ERLEC1: variants seen among roughly 807,000 people sequenced by gnomAD.
ERLEC1 encodes endoplasmic reticulum lectin 1.
In ERLEC1, 47 loss-of-function variants were observed where a neutral mutation model predicts 68.0. That is an observed-to-expected ratio of 0.69 (90% CI 0.55 to 0.88). The LOEUF (loss-of-function observed/expected upper bound fraction) is 0.88. Ranked by LOEUF, ERLEC1 falls within the 40% of genes least tolerant of loss-of-function variation. The pLI is 0.00. For missense variants in ERLEC1, 567 were observed against 583.8 expected, an observed-to-expected ratio of 0.97 and a Z score of 0.30; for synonymous variants, 225 against 203.2, an observed-to-expected ratio of 1.11 and a Z score of -0.91.
Position 53,814,610 on chromosome 2 carries a change from G to T in ERLEC1, c.1294G>T (p.Val432Leu), listed in dbSNP as rs1676763983. 5.0e-6 allele frequency: 8 copies of T among 1,609,410 alleles called. No homozygotes were observed. The highest frequency in any genetic ancestry group is 6.8e-6 in the Non-Finnish European group (8 of 1,176,844). Reference sequence around the variant, plus strand: ...AACTGACAAACCAAGACAGGTGACTGTAAAACTAAAGTAAGTTAGACCATC... The same window carrying T: ...AACTGACAAACCAAGACAGGTGACTTTAAAACTAAAGTAAGTTAGACCATC... ...DITDKPRQVTVKLKCKESDSP... is the reference protein window; with the variant it reads ...DITDKPRQVTLKLKCKESDSP... Residue 432 changes from valine to leucine, a missense_variant, in exon 12 of 14, where the codon GTA (valine) becomes TTA (leucine). By Grantham distance (32) the Val-to-Leu change is conservative (BLOSUM62 1). Coordinates refer to ENST00000185150, the MANE Select transcript of ERLEC1 (RefSeq NM_015701.5).
intron 6 of ERLEC1, 138 bp downstream of exon 6, chr2:53,799,219 A>G (rs948202873): frequency 7.2e-6 from 5 of 695,388 alleles, no homozygotes; most frequent in Admixed American, 5.5e-5. Context: ...TGGGTCAAAG[A>G]ATCTTTGCAG....
chr2:53,798,178 G>A (rs191377824), intron 5 of ERLEC1, among the ~76,000 whole-genome samples: 2 of 152,300 alleles, frequency 1.3e-5, no homozygotes, highest in Non-Finnish European at 2.9e-5. Flanking sequence ...CTGGGCAACA[G>A]AGTGAGACTC....
chr2:53,813,115 A>G (rs1434074484), intron 11 of ERLEC1, 42 bp downstream of exon 11: 2 of 1,582,186 alleles, frequency 1.3e-6, no homozygotes, highest in African/African-American at 1.4e-5. Context: ...AATTACTACA[A>G]TTTCTAAAAC....
At chr2:53,806,219 T>C (rs1676288458) in intron 8 of ERLEC1, among the ~76,000 whole-genome samples, 2 of 152,188 alleles carry the variant, frequency 1.3e-5, no homozygotes, top group African/African-American at 4.8e-5. Flanking sequence ...GTCCATGTAA[T>C]GAATTTTCTA....
chr2:53,793,620 C>CTT (rs1187132326), intron 1 of ERLEC1, among the ~76,000 whole-genome samples: 1 of 146,920 alleles, frequency 6.8e-6, no homozygotes. Flanking sequence ...TTCTTTTTTT[C>CTT]TTTTTTTTTT....
intron 8 of ERLEC1, among the ~76,000 whole-genome samples, chr2:53,804,496 G>A (rs139729956): frequency 5.3e-4 from 80 of 152,134 alleles, no homozygotes; most frequent in Non-Finnish European, 9.4e-4. Flanking sequence ...GGCGGGTCTC[G>A]AACTCCTGGC....
intron 5 of ERLEC1, among the ~76,000 whole-genome samples, chr2:53,798,184 G>C (rs1027851509): frequency 1.3e-5 from 2 of 152,138 alleles, no homozygotes; most frequent in African/African-American, 4.8e-5. Flanking sequence ...AACAGAGTGA[G>C]ACTCCATTTC....
At chr2:53,793,027 G>A (rs560831723) in intron 1 of ERLEC1, among the ~76,000 whole-genome samples, 1 of 151,452 alleles carries the variant, frequency 6.6e-6, no homozygotes, top group African/African-American at 2.4e-5. Flanking sequence ...AAAAGTTATT[G>A]TTAAATTGAG....
chr2:53,818,003 T>G lies in ERLEC1; in HGVS notation c.*34T>G, dbSNP rs1168341264. The stretch of plus-strand genomic sequence containing the variant: ...AAAGTTAGGGGAAAGAAAAGATCAT[T>G]GAAAGTCATGATAATTTCTGTCCCA... On this transcript the variant is annotated 3_prime_UTR_variant, in exon 14 of 14. Coordinates refer to ENST00000185150, the MANE Select transcript of ERLEC1 (RefSeq NM_015701.5). 7.9e-7 allele frequency: 1 copy of G among 1,268,192 alleles called. No individual in the cohort carries two copies. Among genetic ancestry groups the G allele is most frequent in the East Asian group, 2.3e-5 (1 of 43,128 alleles). 78.6% of individuals were successfully genotyped at this position (1,268,192 alleles called of 1,614,324 possible). A position where few individuals can be genotyped will look rare whatever the true frequency, so the allele number is the denominator to read the frequency against.
chr2:53,801,331 C>CGA, intron 6 of ERLEC1, 66 bp from the exon 7 acceptor site: 1 of 1,158,306 alleles, frequency 8.6e-7, no homozygotes, highest in South Asian at 1.4e-5. Flanking sequence ...TAATAAGTTC[C>CGA]TCTCCCACCC....
chr2:53,799,883 G>A (rs565703840), intron 6 of ERLEC1, among the ~76,000 whole-genome samples: 1 of 152,172 alleles, frequency 6.6e-6, no homozygotes, highest in South Asian at 2.1e-4. Flanking sequence ...GACTACCTTT[G>A]AGATTAAAAT....
At chr2:53,802,411 C>G (rs1676055801) in intron 8 of ERLEC1, among the ~76,000 whole-genome samples, 1 of 152,168 alleles carries the variant, frequency 6.6e-6, no homozygotes, top group African/African-American at 2.4e-5. Flanking sequence ...TCATTTATCT[C>G]TAACTCTAAT....
intron 9 of ERLEC1, 64 bp from the exon 10 acceptor site, chr2:53,809,149 TC>T: frequency 2.8e-6 from 3 of 1,086,184 alleles, no homozygotes; most frequent in Non-Finnish European, 4.1e-6. Context: ...TCCATTACTG[TC>T]ATGTGGCATT....
rs1440136005 is a variant in ERLEC1, at chr2:53,814,857, T to C, written c.1305-3T>C. 1.2e-6 allele frequency: 2 copies of C among 1,601,562 alleles called. No homozygotes were observed. Among genetic ancestry groups the C allele is most frequent in the South Asian group, 1.1e-5 (1 of 89,982 alleles). ...CAGTACCTTAAAGTGCTCTCTGTTT[T>C]AGGTGCAAAGAATCAGATTCACCTC... On this transcript the variant is annotated splice_region_variant and splice_polypyrimidine_tract_variant and intron_variant, in intron 12 of 13. Coordinates refer to ENST00000185150, the MANE Select transcript of ERLEC1 (RefSeq NM_015701.5).
intron 1 of ERLEC1, among the ~76,000 whole-genome samples, chr2:53,788,935 T>C (rs896077624): frequency 6.6e-6 from 1 of 152,150 alleles, no homozygotes; most frequent in Non-Finnish European, 1.5e-5. Flanking sequence ...ACCTGTGTTT[T>C]TTTTAATTTA....
chr2:53,817,078 T>C (rs946741365), intron 13 of ERLEC1, among the ~76,000 whole-genome samples: 1 of 152,158 alleles, frequency 6.6e-6, no homozygotes, highest in Non-Finnish European at 1.5e-5. Context: ...CACTGATGTA[T>C]TTTTTATCTC....
chr2:53,796,529 G>T lies in ERLEC1; in HGVS notation c.348+516G>T, dbSNP rs77015394. 2.5e-3 allele frequency among the ~76,000 whole-genome samples: 379 copies of T among 151,404 alleles called. 5 individuals carry two copies. The East Asian group carries it at 0.045, about 18-fold the overall frequency. ...GGCTAGAGTATAGTGGCATGATCAC[G>T]ATTCACTGCAGCCCCAACGTCCCAT... On this transcript the variant is annotated intron_variant, in intron 3 of 13. Transcript: ENST00000185150.
chr2:53,798,989 C>G, intron 5 of ERLEC1, 58 bp from the exon 6 acceptor site: 1 of 1,483,492 alleles, frequency 6.7e-7, no homozygotes, highest in Non-Finnish European at 9.3e-7. Context: ...TGAAAACTTA[C>G]TCATTTGTAC....
At chr2:53,789,840 G>A (rs757866743) in intron 1 of ERLEC1, among the ~76,000 whole-genome samples, 9 of 151,830 alleles carry the variant, frequency 5.9e-5, no homozygotes, top group African/African-American at 1.9e-4. Flanking sequence ...GCAACATGGC[G>A]AAACCTTGTC....
Sources: allele counts gnomAD v4.1 joint callset (sites outside exome capture counted in the v4.1 genomes callset), GRCh38; gene constraint gnomAD v4.1.1; transcripts MANE v1.5; gene names NCBI Gene and HGNC (gene_info 2026-07-23, HGNC 2026-07-21).